Variants in AOX1 observed in about 807,000 individuals in gnomAD.
The protein encoded by AOX1 is aldehyde oxidase.
In AOX1, 153 loss-of-function variants were observed where a neutral mutation model predicts 169.5. That is an observed-to-expected ratio of 0.90 (90% confidence interval 0.79 to 1.03). The LOEUF is 1.03. Ranked by LOEUF, AOX1 falls within the 50% of genes least tolerant of loss-of-function variation. The pLI is 0.00. For synonymous variants in AOX1, 562 were observed against 581.9 expected, an observed-to-expected ratio of 0.97 and a Z score of 0.49; for missense variants, 1,656 against 1,663.9, an observed-to-expected ratio of 1.00 and a Z score of 0.08.
chr2:200,611,271 G>A (rs982294280), intron 12 of AOX1, 113 bp from the exon 13 acceptor site: 6 of 742,354 alleles, frequency 8.1e-6, no homozygotes, highest in African/African-American at 1.7e-5. Flanking sequence ...AAGAGCACCT[G>A]TTTCCCTGAA....
At chr2:200,613,987 T>A in intron 15 of AOX1, 21 bp downstream of exon 15, 1 of 1,609,544 alleles carries the variant, frequency 6.2e-7, no homozygotes, top group Non-Finnish European at 8.5e-7. Context: ...GTTTACACAT[T>A]AACTTCCCCA....
downstream of AOX1, among the ~76,000 whole-genome samples, chr2:200,677,409 C>A (rs891986430): frequency 6.6e-6 from 1 of 152,174 alleles, no homozygotes; most frequent in South Asian, 2.1e-4. Context: ...TTGCTAGGAT[C>A]TTTCTTGCAT....
At chr2:200,608,154 G>A (rs958739977) in intron 10 of AOX1, among the ~76,000 whole-genome samples, 1 of 151,812 alleles carries the variant, frequency 6.6e-6, no homozygotes, top group Admixed American at 6.6e-5. Context: ...AGAAAATGGG[G>A]ACAGAAAGCA....
intron 1 of AOX1, among the ~76,000 whole-genome samples, chr2:200,587,313 C>G (rs2034059544): frequency 6.6e-6 from 1 of 152,086 alleles, no homozygotes; most frequent in African/African-American, 2.4e-5. Context: ...ACAGAGCTAA[C>G]AACCAAGCAA....
In AOX1 at chr2:200,604,680, A is replaced by G. The variant is rs1233905113; in HGVS notation, c.670-16A>G. On this transcript the variant is annotated splice_polypyrimidine_tract_variant and intron_variant, in intron 8 of 34. Coordinates refer to ENST00000374700, the MANE Select transcript of AOX1 (RefSeq NM_001159.4). Reference sequence around the variant, plus strand: ...GCATCATTGGGTACCTTGAATCCCTATTGCTTTTTCAATAGATAATGGCTG... The same window carrying G: ...GCATCATTGGGTACCTTGAATCCCTGTTGCTTTTTCAATAGATAATGGCTG... 8 of 1,613,956 alleles carry G rather than the reference A, an allele frequency of 5.0e-6. No individual in the cohort carries two copies. The highest frequency in any genetic ancestry group is 6.8e-6 in the Non-Finnish European group (8 of 1,179,908).
chr2:200,607,011 A>G (rs893075041), intron 10 of AOX1, among the ~76,000 whole-genome samples: 17 of 152,182 alleles, frequency 1.1e-4, no homozygotes, highest in Non-Finnish European at 2.5e-4. Context: ...ATAACTTCCA[A>G]TACTACGTTG....
At chr2:200,652,015 C>A (rs1212304775) in intron 26 of AOX1, among the ~76,000 whole-genome samples, 1 of 152,148 alleles carries the variant, frequency 6.6e-6, no homozygotes, top group Admixed American at 6.5e-5. Context: ...TTGCAGAATT[C>A]ACTCCTTGGT....
chr2:200,663,098 A>G, intron 31 of AOX1, 129 bp downstream of exon 31: 1 of 661,122 alleles, frequency 1.5e-6, no homozygotes, highest in Non-Finnish European at 2.6e-6. Context: ...ATTTCCCTGG[A>G]TTACCAGAAG....
intron 20 of AOX1, among the ~76,000 whole-genome samples, chr2:200,633,206 G>A (rs1472716137): frequency 1.3e-5 from 2 of 152,076 alleles, no homozygotes; most frequent in East Asian, 3.9e-4. Flanking sequence ...ATCTTGGAGT[G>A]TATTTCTTTG....
At chr2:200,660,164 G>T (rs926571967) in intron 29 of AOX1, 95 bp downstream of exon 29, 22 of 1,051,012 alleles carry the variant, frequency 2.1e-5, no homozygotes, top group Admixed American at 5.9e-5. Context: ...TGTAGAAAGG[G>T]CATTTGCAAA....
In AOX1 at chr2:200,659,221, C is replaced by CCTT; in HGVS notation, c.3228_3229insCTT (p.Ser1076_Thr1077insLeu). 1 of 1,613,956 alleles carries CCTT rather than the reference C, an allele frequency of 6.2e-7. No homozygotes were observed. Among genetic ancestry groups the CCTT allele is most frequent in the Non-Finnish European group, 8.5e-7 (1 of 1,179,886 alleles). ...CGAATGTCCACCTGCGTGGAACAAG[C>CCTT]ACAGAAACTGTCCCTAATGCAAATA... is the stretch of plus-strand genomic sequence containing the variant. On this transcript the variant is annotated inframe_insertion, in exon 28 of 35. Transcript: ENST00000374700.
chr2:200,671,836 C>CAT (rs2036033035), downstream of AOX1, among the ~76,000 whole-genome samples: 1 of 152,126 alleles, frequency 6.6e-6, no homozygotes, highest in Admixed American at 6.5e-5. Context: ...GAATTTAAAA[C>CAT]ATATATTCAC....
At chr2:200,648,879 C>T (rs2105755502) in intron 25 of AOX1, among the ~76,000 whole-genome samples, 1 of 152,154 alleles carries the variant, frequency 6.6e-6, no homozygotes, top group East Asian at 1.9e-4. Context: ...GGAAAGCCAG[C>T]AGTCACAGGC....
intron 1 of AOX1, among the ~76,000 whole-genome samples, chr2:200,592,550 T>A (rs2034196055): frequency 1.0e-4 from 1 of 9,826 alleles, no homozygotes; most frequent in Non-Finnish European, 3.1e-4. Context: ...TGCTGCTATG[T>A]GCCAGGCTGC....
intron 20 of AOX1, among the ~76,000 whole-genome samples, chr2:200,633,723 T>A (rs888776860): frequency 1.3e-5 from 2 of 152,218 alleles, no homozygotes; most frequent in Admixed American, 1.3e-4. Flanking sequence ...TCTTTTCTCA[T>A]TGAAGTTGGG....
At chr2:200,629,842 TA>T (rs1386419143) in intron 20 of AOX1, among the ~76,000 whole-genome samples, 1 of 152,190 alleles carries the variant, frequency 6.6e-6, no homozygotes, top group Admixed American at 6.5e-5. Flanking sequence ...CTAATTCAAT[TA>T]GGTGATTGAT....
At chr2:200,641,305 C>T in intron 24 of AOX1, 121 bp downstream of exon 24, 1 of 648,978 alleles carries the variant, frequency 1.5e-6, no homozygotes, top group Admixed American at 2.5e-5. Context: ...ACCATCCTTG[C>T]AGGGATAGCC....
chr2:200,613,378 C>T (rs2034686000), intron 14 of AOX1, among the ~76,000 whole-genome samples: 2 of 152,072 alleles, frequency 1.3e-5, no homozygotes, highest in African/African-American at 4.8e-5. Flanking sequence ...TACTTTGGTT[C>T]CCTAGCTGTC....
Position 200,623,896 on chromosome 2 carries a change from T to G in AOX1, c.2037T>G (p.Leu679=), listed in dbSNP as rs1370924304. ...FCVGQLVCAV[L]ADSEVQAKRA... ...TGGGTCAGCTTGTCTGTGCTGTGCT[T>G]GCCGATTCTGAGGTTCAGGCAAAGC... The change falls in exon 19 of 35, where the codon CTT becomes CTG. Residue 679 remains leucine (L), a synonymous_variant. Transcript: ENST00000374700. 2.5e-6 allele frequency: 4 copies of G among 1,613,994 alleles called. No homozygotes were observed. The highest frequency in any genetic ancestry group is 1.7e-4 in the Middle Eastern group (1 of 6,048).
Sources: allele counts gnomAD v4.1 joint callset (sites outside exome capture counted in the v4.1 genomes callset), GRCh38; gene constraint gnomAD v4.1.1; transcripts MANE v1.5; gene names NCBI Gene and HGNC (gene_info 2026-07-23, HGNC 2026-07-21).